Variants in LRP6 observed in about 807,000 individuals in gnomAD.
LRP6 encodes the protein low-density lipoprotein receptor-related protein 6.
LRP6 carries 43 observed loss-of-function variants against 184.1 expected under a neutral mutation model. That is an observed-to-expected ratio of 0.23 (90% CI 0.18 to 0.30). The LOEUF is 0.30. LRP6 is among the 10% of genes least tolerant of loss of function. The probability of loss-of-function intolerance (pLI) is 1.00; values close to 1 mark genes in which losing one functional copy is unlikely to be tolerated. For synonymous variants in LRP6, 719 were observed against 684.9 expected (o/e 1.05, Z -0.78); for missense variants, 1,571 against 2,005.3 (o/e 0.78, Z 4.14).
intron 2 of LRP6, among the ~76,000 whole-genome samples, chr12:12,211,510 C>A (rs191304483): frequency 6.6e-6 from 1 of 152,284 alleles, no homozygotes; most frequent in South Asian, 2.1e-4. Context: ...AGTTCAAATA[C>A]GGACGAACTG....
intron 3 of LRP6, 181 bp from the exon 4 acceptor site, chr12:12,187,300 T>G (rs1431009960): frequency 1.6e-6 from 1 of 626,334 alleles, no homozygotes; most frequent in African/African-American, 1.8e-5. Flanking sequence ...ATATATATTT[T>G]TAAGGTGTCC....
intron 2 of LRP6, among the ~76,000 whole-genome samples, chr12:12,227,366 T>A (rs1465495803): frequency 6.6e-6 from 1 of 151,412 alleles, no homozygotes; most frequent in African/African-American, 2.4e-5. Context: ...AGTAACGGCA[T>A]TAGAGAAGGA....
intron 7 of LRP6, among the ~76,000 whole-genome samples, chr12:12,171,450 A>G (rs1397820666): frequency 6.6e-6 from 1 of 152,064 alleles, no homozygotes; most frequent in East Asian, 1.9e-4. Context: ...TGAACCCGGG[A>G]GGTGGAGCTT....
At chr12:12,160,704 G>A (rs1862718545) in intron 10 of LRP6, among the ~76,000 whole-genome samples, 2 of 152,176 alleles carry the variant, frequency 1.3e-5, no homozygotes, top group African/African-American at 4.8e-5. Context: ...TTTTATAGAT[G>A]AAGAGCCCAA....
At chr12:12,252,871 T>C (rs1865356571) in intron 1 of LRP6, among the ~76,000 whole-genome samples, 1 of 152,230 alleles carries the variant, frequency 6.6e-6, no homozygotes, top group Admixed American at 6.5e-5. Context: ...ATATTCATGG[T>C]CCATTACATC....
chr12:12,152,400 C>T (rs1422352732), intron 12 of LRP6, among the ~76,000 whole-genome samples: 1 of 152,166 alleles, frequency 6.6e-6, no homozygotes, highest in African/African-American at 2.4e-5. Context: ...GATTCTCCTG[C>T]CTCAGCCTCC....
At position 12,116,445 on chromosome 12, in the gene LRP6, T is replaced by C. The variant is rs1949520716; in HGVS notation, c.*4681A>G. On this transcript the variant is annotated 3_prime_UTR_variant, in exon 23 of 23. Transcript: ENST00000261349. ...ACTAATCCATATATTTAATTTCATG[T>C]CATATTGGATTTAATCAGACTTTAA... is the stretch of plus-strand genomic sequence containing the variant. 6.6e-6 allele frequency: 1 copy of C among 152,226 alleles called. No homozygotes were observed. Among genetic ancestry groups the C allele is most frequent in the Non-Finnish European group, 1.5e-5 (1 of 68,036 alleles). The allele number at this position is 152,226 out of a possible 1,614,324, so 9.4% of individuals were successfully genotyped here. A position where few individuals can be genotyped will look rare whatever the true frequency, so the allele number is the denominator to read the frequency against.
chr12:12,166,087 A>G (rs1295130593), intron 7 of LRP6, among the ~76,000 whole-genome samples: 4 of 152,206 alleles, frequency 2.6e-5, no homozygotes, highest in East Asian at 1.9e-4. Context: ...ATATTTACAT[A>G]TAAGATTATA....
chr12:12,136,648 C>A (rs1260439411), intron 16 of LRP6, among the ~76,000 whole-genome samples: 1 of 152,194 alleles, frequency 6.6e-6, no homozygotes, highest in Non-Finnish European at 1.5e-5. Flanking sequence ...TTATTTGACT[C>A]TCTTCCACAA....
At chr12:12,229,228 G>A (rs1864710929) in intron 2 of LRP6, among the ~76,000 whole-genome samples, 1 of 152,076 alleles carries the variant, frequency 6.6e-6, no homozygotes. Context: ...AAATTAGCCT[G>A]GCATGGTGGC....
At position 12,119,990 on chromosome 12, in the gene LRP6, A is replaced by AATATATATATATATATAT. The variant is rs550587604; in HGVS notation, c.*1118_*1135dup. On this transcript the variant is annotated 3_prime_UTR_variant, in exon 23 of 23. Transcript: ENST00000261349. ...ACTCAGAAAACAAACAAACAAACAA[A>AATATATATATATATATAT]ATATATATATATATATATATATATA... is the stretch of plus-strand genomic sequence containing the variant. The AATATATATATATATATAT allele has an allele frequency of 4.4e-5, 2 of 45,520 alleles. No individual in the cohort carries two copies. The highest frequency in any genetic ancestry group is 7.8e-5 in the Non-Finnish European group (2 of 25,690). 2.8% of individuals were successfully genotyped at this position (45,520 alleles called of 1,614,324 possible).
intron 1 of LRP6, among the ~76,000 whole-genome samples, chr12:12,263,776 G>A (rs1316393242): frequency 6.6e-6 from 1 of 152,018 alleles, no homozygotes; most frequent in African/African-American, 2.4e-5. Flanking sequence ...CCAGGCTGCA[G>A]TGAGCAGCGA....
rs16907745 is a variant in LRP6, at chr12:12,127,587, C to T, written c.4082-666G>A. 9.0e-3 allele frequency among the ~76,000 whole-genome samples: 1,364 copies of T among 152,254 alleles called. 8 individuals carry two copies. The highest frequency in any genetic ancestry group is 0.014 in the Non-Finnish European group (930 of 68,016). On this transcript the variant is annotated intron_variant, in intron 19 of 22. Transcript: ENST00000261349. ...CTGGAGGACTCACAAAGAAAGGCCA[C>T]ATTGCCAGAAGAGGACACCACCCCA...
At position 12,185,842 on chromosome 12, in the gene LRP6, T is replaced by TG. The variant is rs1464204816; in HGVS notation, c.844+1080_844+1081insC. 2.3e-4 allele frequency among the ~76,000 whole-genome samples: 22 copies of TG among 94,296 alleles called. No individual in the cohort carries two copies. In the South Asian group the frequency reaches 5.1e-3, roughly 22 times the overall value. 61.9% of individuals were successfully genotyped at this position (94,296 alleles called of 152,430 possible). On this transcript the variant is annotated intron_variant, in intron 4 of 22. Transcript: ENST00000261349. ...GAGGCGTTTTTGTGTGTGTGTGTGT[T>TG]TTTTGTTTTTTTTTTTTTTGAGACA... is the stretch of plus-strand genomic sequence containing the variant.
intron 17 of LRP6, among the ~76,000 whole-genome samples, chr12:12,132,883 T>C (rs990102622): frequency 1.1e-4 from 17 of 152,194 alleles, no homozygotes; most frequent in Admixed American, 7.9e-4. Flanking sequence ...TCATTTTTAC[T>C]TGAAAGAATG....
intron 18 of LRP6, 103 bp from the exon 19 acceptor site, chr12:12,130,996 T>C: frequency 5.6e-6 from 4 of 712,920 alleles, no homozygotes; most frequent in Non-Finnish European, 5.1e-6. Flanking sequence ...AAAAACAAAT[T>C]AGACTTTTAG....
At position 12,148,375 on chromosome 12, in the gene LRP6, T is replaced by C. The variant is rs1950038510; in HGVS notation, c.3206+567A>G. On this transcript the variant is annotated intron_variant, in intron 14 of 22. Coordinates refer to ENST00000261349, the MANE Select transcript of LRP6 (RefSeq NM_002336.3). ...ATTTAACGTCTAGATTTCATCCTTT[T>C]CCTCTCTTTTGAAGTAAGCTACTTT... 3.3e-5 allele frequency among the ~76,000 whole-genome samples: 5 copies of C among 152,160 alleles called. No homozygotes were observed. In the South Asian group the frequency reaches 1.0e-3, roughly 31 times the overall value.
rs557459862 is a variant in LRP6, at chr12:12,248,855, C to T, written c.56-4200G>A. 6 of 276,614 alleles carry T rather than the reference C, an allele frequency of 2.2e-5. No homozygotes were observed. In the East Asian group the frequency reaches 6.0e-4, roughly 28 times the overall value. The allele number at this position is 276,614 out of a possible 1,614,324, so 17.1% of individuals were successfully genotyped here. On this transcript the variant is annotated intron_variant, in intron 1 of 22. Coordinates refer to ENST00000261349, the MANE Select transcript of LRP6 (RefSeq NM_002336.3). ...ATCCCTACCTATATAGAATGTTCTC[C>T]TCATACAATACTACCTATTTTTTCT...
chr12:12,156,797 C>G (rs1459093484), intron 12 of LRP6, among the ~76,000 whole-genome samples: 1 of 152,230 alleles, frequency 6.6e-6, no homozygotes, highest in Non-Finnish European at 1.5e-5. Context: ...TCTCTGGTTG[C>G]TACTTCTCAG....
Sources: gnomAD v4.1 joint callset for allele counts (sites outside exome capture counted in the v4.1 genomes callset) on GRCh38, gnomAD v4.1.1 for gene constraint, MANE v1.5 for transcripts, NCBI Gene and HGNC (gene_info 2026-07-23, HGNC 2026-07-21) for gene names.